WWOX: variants seen among roughly 807,000 people sequenced by gnomAD.
WWOX encodes the protein WW domain containing oxidoreductase.
Under a neutral mutation model 46.2 loss-of-function variants are expected in WWOX, and 69 were observed. The ratio of observed to expected loss-of-function variants is 1.49; its 90% CI spans 1.23 to 1.82. The LOEUF (loss-of-function observed/expected upper bound fraction) is 1.82. WWOX is among the 40% of genes most tolerant of loss of function. The probability of loss-of-function intolerance (pLI) is 0.00; values close to 1 mark genes in which losing one functional copy is unlikely to be tolerated. For synonymous variants in WWOX, 359 were observed against 202.6 expected (o/e 1.77, Z -6.56); for missense variants, 919 against 542.6 (o/e 1.69, Z -6.89).
chr16:78,186,972 T>C (rs2151759460), intron 5 of WWOX, among the ~76,000 whole-genome samples: 1 of 152,270 alleles, frequency 6.6e-6, no homozygotes, highest in Non-Finnish European at 1.5e-5. Flanking sequence ...CGAGTTCTGC[T>C]AGTGTTTGCA....
intron 5 of WWOX, among the ~76,000 whole-genome samples, chr16:78,241,515 T>A (rs1035947449): frequency 6.6e-6 from 1 of 152,180 alleles, no homozygotes; most frequent in Admixed American, 6.5e-5. Flanking sequence ...TGCAGACTCT[T>A]CCTCTTGAAG....
intron 8 of WWOX, among the ~76,000 whole-genome samples, chr16:78,835,543 T>A (rs928957078): frequency 6.6e-6 from 1 of 152,214 alleles, no homozygotes; most frequent in Non-Finnish European, 1.5e-5. Flanking sequence ...CACTTAAGAA[T>A]GTTCACACAG....
At chr16:78,593,600 G>T (rs1027961627) in intron 8 of WWOX, among the ~76,000 whole-genome samples, 1 of 152,136 alleles carries the variant, frequency 6.6e-6, no homozygotes, top group Non-Finnish European at 1.5e-5. Flanking sequence ...TCCTTCCGGG[G>T]ACTTTGCTGC....
chr16:78,559,125 A>G (rs2044373940), intron 8 of WWOX, among the ~76,000 whole-genome samples: 1 of 152,156 alleles, frequency 6.6e-6, no homozygotes, highest in Admixed American at 6.5e-5. Flanking sequence ...GTGAGCTTGG[A>G]GATAGAGCTG....
intron 4 of WWOX, among the ~76,000 whole-genome samples, chr16:78,139,909 G>A (rs2033925913): frequency 6.6e-6 from 1 of 152,158 alleles, no homozygotes; most frequent in African/African-American, 2.4e-5. Flanking sequence ...TCTCATAGCT[G>A]TCTGCCTGCG....
At chr16:78,710,649 C>T (rs987838314) in intron 8 of WWOX, among the ~76,000 whole-genome samples, 1 of 150,458 alleles carries the variant, frequency 6.6e-6, no homozygotes, top group Non-Finnish European at 1.5e-5. Context: ...GGGTCTTGCT[C>T]TGTCACTCAG....
chr16:78,812,343 A>C (rs75190215), intron 8 of WWOX, among the ~76,000 whole-genome samples: 5,144 of 152,204 alleles, frequency 0.034, 293 homozygotes, highest in African/African-American at 0.12. Context: ...CCTCAGGGTG[A>C]CACCGATTTA....
At chr16:79,110,859 A>G (rs1442140322) in intron 8 of WWOX, 1 of 152,198 alleles carries the variant, frequency 6.6e-6, no homozygotes, top group African/African-American at 2.4e-5. Flanking sequence ...GAGTTTTCTC[A>G]TCATTAAAAT....
At chr16:79,197,480 TGAGCGAGTTCTTGAACAC>T (rs2051263450) in intron 8 of WWOX, among the ~76,000 whole-genome samples, 1 of 147,114 alleles carries the variant, frequency 6.8e-6, no homozygotes, top group Non-Finnish European at 1.5e-5. Flanking sequence ...CCCCCTCCAG[TGAGCGAGTTCTTGAACAC>T]TTACTGGTAC....
At chr16:78,832,971 GGT>G (rs2051872660) in intron 8 of WWOX, among the ~76,000 whole-genome samples, 1 of 151,328 alleles carries the variant, frequency 6.6e-6, no homozygotes, top group Non-Finnish European at 1.5e-5. Context: ...TGTCCCCATT[GGT>G]GTTAATCAGT....
chr16:78,858,382 ATGTATC>A (rs1410591421), intron 8 of WWOX, among the ~76,000 whole-genome samples: 3 of 151,802 alleles, frequency 2.0e-5, no homozygotes, highest in Non-Finnish European at 4.4e-5. Flanking sequence ...ATATATATGT[ATGTATC>A]TGTATATGTA....
chr16:78,778,697 T>C (rs936882531), intron 8 of WWOX, among the ~76,000 whole-genome samples: 7 of 152,060 alleles, frequency 4.6e-5, no homozygotes, highest in African/African-American at 1.5e-4. Context: ...CCTGTTTGAG[T>C]TCAAGGGAAG....
At chr16:78,155,449 A>G (rs1261800472) in intron 4 of WWOX, among the ~76,000 whole-genome samples, 2 of 152,138 alleles carry the variant, frequency 1.3e-5, no homozygotes. Context: ...ATTTCATAGA[A>G]CTTGAATGTT....
chr16:79,155,709 C>T (rs531368796), intron 8 of WWOX, among the ~76,000 whole-genome samples: 1 of 152,092 alleles, frequency 6.6e-6, no homozygotes, highest in Non-Finnish European at 1.5e-5. Flanking sequence ...GGCCTCAATT[C>T]TACATTCCTA....
rs922549335 is a variant in WWOX, at chr16:78,575,062, T to A, written c.1056+142310T>A. Among the ~76,000 whole-genome samples the A allele has an allele frequency of 2.3e-3, 49 of 21,224 alleles. 1 individual carries two copies. Among genetic ancestry groups the A allele is most frequent in the East Asian group, 0.013 (4 of 316 alleles). 13.9% of individuals were successfully genotyped at this position (21,224 alleles called of 152,430 possible). On this transcript the variant is annotated intron_variant, in intron 8 of 8. Coordinates refer to ENST00000566780, the MANE Select transcript of WWOX (RefSeq NM_016373.4). ...ATATATATATATATATATATATATA[T>A]ATATATATATATATATATATATATA...
At chr16:78,679,341 A>C (rs955140445) in intron 8 of WWOX, among the ~76,000 whole-genome samples, 7 of 152,190 alleles carry the variant, frequency 4.6e-5, no homozygotes, top group African/African-American at 2.4e-5. Flanking sequence ...ACCTGAGGTC[A>C]GGAGTTCGAG....
intron 8 of WWOX, among the ~76,000 whole-genome samples, chr16:78,984,100 G>C (rs895698007): frequency 3.3e-5 from 5 of 151,918 alleles, no homozygotes; most frequent in Admixed American, 2.0e-4. Flanking sequence ...GGATGGTCTC[G>C]ATCTCCTGAC....
chr16:78,199,133 G>A (rs985999555), intron 5 of WWOX, among the ~76,000 whole-genome samples: 1 of 152,114 alleles, frequency 6.6e-6, no homozygotes. Context: ...CTAACACGGT[G>A]AAACCCCGTT....
At chr16:78,769,059 G>A (rs576133280) in intron 8 of WWOX, among the ~76,000 whole-genome samples, 8 of 152,328 alleles carry the variant, frequency 5.3e-5, no homozygotes, top group African/African-American at 1.9e-4. Context: ...TGTTGGGGTT[G>A]GGTAGGCGCA....
Sources: allele counts gnomAD v4.1 joint callset (sites outside exome capture counted in the v4.1 genomes callset), GRCh38; gene constraint gnomAD v4.1.1; transcripts MANE v1.5; gene names NCBI Gene and HGNC (gene_info 2026-07-23, HGNC 2026-07-21).